The following DPP6 variants were observed in gnomAD, a reference collection of about 807,000 sequenced individuals.
DPP6 encodes A-type potassium channel modulatory protein DPP6.
A neutral mutation model predicts 122.6 loss-of-function variants in DPP6; 69 were observed. The observed-to-expected ratio is 0.56, with a 90% CI of 0.46 to 0.69. DPP6 has a LOEUF of 0.69. DPP6 is among the 30% of genes least tolerant of loss of function. The pLI is 0.00. For missense variants in DPP6, 928 were observed against 1,116.9 expected (o/e 0.83, Z 2.41); for synonymous variants, 418 against 433.1 (o/e 0.97, Z 0.43).
chr7:153,892,224 T>C (rs1047923058), intron 1 of DPP6, among the ~76,000 whole-genome samples: 4 of 152,260 alleles, frequency 2.6e-5, no homozygotes, highest in African/African-American at 9.6e-5. Context: ...ATTCCAGCGA[T>C]GATGCTGTAC....
chr7:154,426,478 G>A (rs1344441427), intron 1 of DPP6, among the ~76,000 whole-genome samples: 5 of 152,242 alleles, frequency 3.3e-5, no homozygotes, highest in East Asian at 1.9e-4. Context: ...TTGCAGTTCC[G>A]TAGTAGAGAC....
intron 1 of DPP6, among the ~76,000 whole-genome samples, chr7:154,194,755 A>G (rs572945653): frequency 1.4e-4 from 21 of 152,174 alleles, no homozygotes; most frequent in Non-Finnish European, 2.5e-4. Flanking sequence ...TCGTGGACTT[A>G]TTCGTCTCTC....
chr7:154,574,913 T>G (rs1831434107), intron 5 of DPP6, among the ~76,000 whole-genome samples: 1 of 132,614 alleles, frequency 7.5e-6, no homozygotes, highest in South Asian at 3.2e-4. Context: ...GGTGTGCGTG[T>G]GTGTATGTGT....
At chr7:154,128,930 C>T (rs1808155557) in intron 1 of DPP6, among the ~76,000 whole-genome samples, 2 of 151,604 alleles carry the variant, frequency 1.3e-5, no homozygotes, top group South Asian at 4.2e-4. Flanking sequence ...GCTTAGCAAC[C>T]AGAGCTGCAG....
In DPP6 at chr7:154,844,682, C is replaced by G. The variant is rs6972673; in HGVS notation, c.1667-9098C>G. Among the ~76,000 whole-genome samples, 236 of 152,278 alleles carry G rather than the reference C, an allele frequency of 1.5e-3. 1 individual carries two copies. The highest frequency in any genetic ancestry group is 5.3e-3 in the African/African-American group (222 of 41,542). Reference sequence around the variant, plus strand: ...CCAGAGAAACCGGATGCGAAGGCGGCCTGCAGAGCCGACCTCAGACCACCA... The same window carrying G: ...CCAGAGAAACCGGATGCGAAGGCGGGCTGCAGAGCCGACCTCAGACCACCA... On this transcript the variant is annotated intron_variant, in intron 16 of 25. Coordinates refer to ENST00000377770, the MANE Select transcript of DPP6 (RefSeq NM_130797.4).
At chr7:153,944,851 A>G (rs12537902) in intron 1 of DPP6, among the ~76,000 whole-genome samples, 104,352 of 151,488 alleles carry the variant, frequency 0.69, 36,612 homozygotes, top group African/African-American at 0.83. Flanking sequence ...GGCTGGTCTC[A>G]AACTCCTGAC....
At chr7:153,886,112 T>TACACACACACACACAC (rs60245538), upstream of DPP6, among the ~76,000 whole-genome samples, 394 of 140,398 alleles carry the variant, frequency 2.8e-3, 6 homozygotes, top group African/African-American at 5.5e-3. Flanking sequence ...GGCACGCCCT[T>TACACACACACACACAC]ACACACACAC....
At chr7:154,260,295 A>C (rs944852510) in intron 1 of DPP6, among the ~76,000 whole-genome samples, 7 of 152,098 alleles carry the variant, frequency 4.6e-5, no homozygotes, top group Non-Finnish European at 5.9e-5. Context: ...CTTTTTAAAA[A>C]ATTATTTTAT....
At chr7:154,574,319 GTA>G (rs1268707931) in intron 5 of DPP6, among the ~76,000 whole-genome samples, 13 of 136,776 alleles carry the variant, frequency 9.5e-5, no homozygotes, top group Admixed American at 2.2e-4. Flanking sequence ...GGTGTGCTGT[GTA>G]TGTGTGTGTG....
intron 1 of DPP6, among the ~76,000 whole-genome samples, chr7:153,971,054 T>C (rs1795992405): frequency 1.3e-5 from 2 of 152,196 alleles, no homozygotes; most frequent in Admixed American, 6.6e-5. Context: ...GCATTAACTC[T>C]ATACATCAAT....
chr7:154,666,131 C>A (rs1838134590), intron 6 of DPP6, among the ~76,000 whole-genome samples: 1 of 150,716 alleles, frequency 6.6e-6, no homozygotes. Flanking sequence ...TCTCATATCC[C>A]TTTCTTCTAT....
At chr7:153,863,172 A>T in the DPP6 span, among the ~76,000 whole-genome samples, 4 of 152,152 alleles carry the variant, frequency 2.6e-5, no homozygotes, top group African/African-American at 9.6e-5. Flanking sequence ...TCCAATTTTG[A>T]TTTCATCAAA....
chr7:154,542,939 C>T (rs879748437), intron 4 of DPP6, among the ~76,000 whole-genome samples: 2 of 152,182 alleles, frequency 1.3e-5, no homozygotes, highest in South Asian at 2.1e-4. Flanking sequence ...CAGCCCAGAA[C>T]CTGGGTACTC....
At chr7:153,791,252 G>A in the DPP6 span, among the ~76,000 whole-genome samples, 6 of 152,048 alleles carry the variant, frequency 3.9e-5, no homozygotes, top group South Asian at 4.1e-4. Flanking sequence ...ACCTGAGAGC[G>A]TTCCATGCAA....
At chr7:154,687,581 A>G (rs1324954001) in intron 7 of DPP6, among the ~76,000 whole-genome samples, 1 of 151,994 alleles carries the variant, frequency 6.6e-6, no homozygotes, top group African/African-American at 2.4e-5. Flanking sequence ...TCATTTCTTT[A>G]TACATTTAAG....
intron 16 of DPP6, among the ~76,000 whole-genome samples, chr7:154,824,934 T>C (rs1426015149): frequency 6.6e-6 from 1 of 152,242 alleles, no homozygotes; most frequent in African/African-American, 2.4e-5. Context: ...TGGTCAGTCA[T>C]TGCCATTCAG....
At chr7:153,913,946 C>T (rs930009224) in intron 1 of DPP6, among the ~76,000 whole-genome samples, 2 of 152,178 alleles carry the variant, frequency 1.3e-5, no homozygotes, top group African/African-American at 2.4e-5. Context: ...GCTTGCTTCT[C>T]CTATTGTCTG....
chr7:154,385,321 T>C (rs1257423567), intron 1 of DPP6, among the ~76,000 whole-genome samples: 1 of 152,122 alleles, frequency 6.6e-6, no homozygotes, highest in Non-Finnish European at 1.5e-5. Flanking sequence ...CGACACATGC[T>C]CTTGGGTCAC....
In DPP6 at chr7:154,470,587, A is replaced by G. The variant is rs773097692; in HGVS notation, c.359-4352A>G. Among the ~76,000 whole-genome samples, 8 of 152,180 alleles carry G rather than the reference A, an allele frequency of 5.3e-5. 1 individual carries two copies. The highest frequency in any genetic ancestry group is 5.9e-5 in the Non-Finnish European group (4 of 68,022). The stretch of plus-strand genomic sequence containing the variant: ...CAAATGGTTCTCCAGGAATTTTACT[A>G]TTTAACAAATATCTGAGGAAGGGAA... On this transcript the variant is annotated intron_variant, in intron 2 of 25. Transcript: ENST00000377770.
Sources: allele counts gnomAD v4.1 joint callset (sites outside exome capture counted in the v4.1 genomes callset), GRCh38; gene constraint gnomAD v4.1.1; transcripts MANE v1.5; gene names NCBI Gene and HGNC (gene_info 2026-07-23, HGNC 2026-07-21).